Variants in REV1 observed in about 807,000 individuals in gnomAD.
REV1 encodes translesion synthesis protein REV1.
In REV1, 42 loss-of-function variants were observed where a neutral mutation model predicts 137.4. The ratio of observed to expected loss-of-function variants is 0.31; its 90% confidence interval spans 0.24 to 0.40. The LOEUF is 0.40. REV1 is among the 10% of genes least tolerant of loss of function. The pLI is 1.00. For synonymous variants in REV1, 524 were observed against 519.2 expected, an observed-to-expected ratio of 1.01 and a Z score of -0.12; for missense variants, 1,282 against 1,490.1, an observed-to-expected ratio of 0.86 and a Z score of 2.30.
At chr2:99,422,628 A>G (rs117852776) in intron 10 of REV1, among the ~76,000 whole-genome samples, 2 of 152,338 alleles carry the variant, frequency 1.3e-5, no homozygotes, top group East Asian at 3.9e-4. Context: ...TCAGAGTGAA[A>G]GCTGCCCTGA....
intron 9 of REV1, chr2:99,424,792 C>T: frequency 2.3e-6 from 3 of 1,304,100 alleles, no homozygotes; most frequent in Non-Finnish European, 2.0e-6. Flanking sequence ...CCCAATTGAC[C>T]AATTCCATGC....
intron 19 of REV1, chr2:99,403,380 G>A (rs748729958): frequency 1.8e-6 from 1 of 554,848 alleles, no homozygotes; most frequent in Non-Finnish European, 3.2e-6. Flanking sequence ...GATGCATTTT[G>A]AACCAACATC....
intron 3 of REV1, among the ~76,000 whole-genome samples, chr2:99,450,712 AT>A (rs1441341541): frequency 3.9e-5 from 6 of 152,242 alleles, no homozygotes; most frequent in African/African-American, 1.4e-4. Flanking sequence ...GGTGAAATTA[AT>A]TTTATTTAAC....
chr2:99,412,382 A>AT (rs1677299360), intron 13 of REV1, among the ~76,000 whole-genome samples: 1 of 152,094 alleles, frequency 6.6e-6, no homozygotes, highest in Admixed American at 6.6e-5. Flanking sequence ...CTGAAACTTA[A>AT]TTTTAACTAC....
At position 99,464,866 on chromosome 2, in the gene REV1, G is replaced by A. The variant is rs1002701816; in HGVS notation, c.54+56C>T. The A allele has an allele frequency of 1.2e-4, 174 of 1,502,110 alleles. 2 individuals carry two copies. Among genetic ancestry groups the A allele is most frequent in the South Asian group, 9.2e-4 (81 of 87,720 alleles). 93.0% of individuals were successfully genotyped at this position (1,502,110 alleles called of 1,614,324 possible). A position where few individuals can be genotyped will look rare whatever the true frequency, so the allele number is the denominator to read the frequency against. On this transcript the variant is annotated intron_variant, in intron 2 of 22. Coordinates refer to ENST00000258428, the MANE Select transcript of REV1 (RefSeq NM_016316.4). The stretch of plus-strand genomic sequence containing the variant: ...CAACTTAAACCACATTATAACAGAA[G>A]AATGAAAAATAACTAGACAGTTCGA...
intron 1 of REV1, among the ~76,000 whole-genome samples, chr2:99,468,207 A>C (rs1685035925): frequency 6.6e-6 from 1 of 151,886 alleles, no homozygotes; most frequent in Non-Finnish European, 1.5e-5. Context: ...AAGAAAGAAA[A>C]ATTAGCCAGG....
intron 9 of REV1, among the ~76,000 whole-genome samples, chr2:99,425,691 T>C (rs925861661): frequency 1.3e-5 from 2 of 152,232 alleles, no homozygotes; most frequent in Non-Finnish European, 2.9e-5. Flanking sequence ...GATATATAGA[T>C]TCAGCATGTA....
chr2:99,422,602 T>C (rs1346925463), intron 10 of REV1, among the ~76,000 whole-genome samples: 1 of 152,206 alleles, frequency 6.6e-6, no homozygotes, highest in African/African-American at 2.4e-5. Flanking sequence ...GTATATCTGG[T>C]ATGAGGTATT....
rs745790636 is a variant in REV1 at position 99,435,831 on chromosome 2, G to A, written c.1321+3C>T. 1.4e-6 allele frequency: 2 copies of A among 1,456,240 alleles called. No individual in the cohort carries two copies. The highest frequency in any genetic ancestry group is 1.9e-6 in the Non-Finnish European group (2 of 1,049,116). The allele number at this position is 1,456,240 out of a possible 1,614,324, so 90.2% of individuals were successfully genotyped here. A position where few individuals can be genotyped will look rare whatever the true frequency, so the allele number is the denominator to read the frequency against. On this transcript the variant is annotated splice_donor_region_variant and intron_variant, in intron 7 of 22. Coordinates refer to ENST00000258428, the MANE Select transcript of REV1 (RefSeq NM_016316.4). ...TTCTTAAAACATAAGCAAGAATACA[G>A]ACCTTTGAGATCTGGTCTATTTCGT...
Position 99,424,217 on chromosome 2 carries a change from T to A in REV1, c.1611A>T (p.Gln537His). 1.2e-6 allele frequency: 2 copies of A among 1,614,048 alleles called. No individual in the cohort carries two copies. The highest frequency in any genetic ancestry group is 3.3e-5 in the Admixed American group (2 of 60,028). The change falls in exon 10 of 23, where the codon CAA (glutamine) becomes CAT (histidine). Residue 537 changes from glutamine to histidine, a missense_variant. This residue lies in a region of REV1 where 372 missense variants were observed against 482.3 expected (regional missense o/e 0.77). Transcript: ENST00000258428. The stretch of plus-strand genomic sequence containing the variant: ...ATGCATGAAAATCGTATGGAACAGC[T>A]TGAAGATTAGGACATAGTTGTTTAG... ...GHAKQLCPNL[Q>H]AVPYDFHAYK... is the part of the protein sequence containing the mutation.
chr2:99,449,586 A>G, intron 3 of REV1, 82 bp from the exon 4 acceptor site: 1 of 621,590 alleles, frequency 1.6e-6, no homozygotes, highest in Non-Finnish European at 2.4e-6. Context: ...AAATAGGTCA[A>G]CTTTAAGAAT....
rs1211796894 is a variant in REV1, at chr2:99,438,708, G to A, written c.1106C>T (p.Thr369Ile). 1 of 1,614,080 alleles carries A rather than the reference G, an allele frequency of 6.2e-7. No homozygotes were observed. Among genetic ancestry groups the A allele is most frequent in the South Asian group, 1.1e-5 (1 of 91,086 alleles). ...HHISMWKCEL[T>I]EFVNTLQRQS... ...TCTTTGTAGGGTATTGACAAACTCA[G>A]TCAATTCACACTTCCACATTGATAT... The change falls in exon 6 of 23, where the codon ACT becomes ATT. Residue 369 changes from threonine to isoleucine, a missense_variant. Physicochemically the swap from Thr to Ile is moderately conservative, Grantham distance 89. Coordinates refer to ENST00000258428, the MANE Select transcript of REV1 (RefSeq NM_016316.4).
chr2:99,430,722 G>C (rs1680004112), intron 8 of REV1, among the ~76,000 whole-genome samples: 1 of 152,138 alleles, frequency 6.6e-6, no homozygotes, highest in Admixed American at 6.5e-5. Flanking sequence ...ACACTCTGGA[G>C]AGCCTACTGG....
At chr2:99,449,554 G>A (rs746167963) in intron 3 of REV1, 50 bp from the exon 4 acceptor site, 9 of 924,634 alleles carry the variant, frequency 9.7e-6, no homozygotes, top group Middle Eastern at 3.5e-4. Flanking sequence ...GTAAGAAGTA[G>A]AACCCTAATG....
At chr2:99,430,689 T>C (rs1680001393) in intron 8 of REV1, among the ~76,000 whole-genome samples, 1 of 152,170 alleles carries the variant, frequency 6.6e-6, no homozygotes, top group South Asian at 2.1e-4. Flanking sequence ...AATTTACAAC[T>C]TTACACAAGA....
rs949691778 is a variant in REV1, at chr2:99,488,684, G to A, written c.-11+1133C>T. On this transcript the variant is annotated intron_variant, in intron 1 of 22. Transcript: ENST00000258428. ...GGCAAACCCAAGAATATGTGTGAAA[G>A]GTTGGTGGACAGATAGATGGTTCCC... is the stretch of plus-strand genomic sequence containing the variant. Among the ~76,000 whole-genome samples the A allele has an allele frequency of 3.9e-5, 6 of 152,208 alleles. No homozygotes were observed. The South Asian group carries it at 8.3e-4, about 21-fold the overall frequency.
At chr2:99,489,409 G>T (rs1172223646) in intron 1 of REV1, among the ~76,000 whole-genome samples, 2 of 151,982 alleles carry the variant, frequency 1.3e-5, no homozygotes, top group Admixed American at 6.5e-5. Context: ...GAACTGAATG[G>T]CCGGCCGAGG....
intron 3 of REV1, among the ~76,000 whole-genome samples, chr2:99,452,819 T>C (rs1024591119): frequency 1.3e-5 from 2 of 152,188 alleles, no homozygotes; most frequent in African/African-American, 4.8e-5. Flanking sequence ...AAAACACTTA[T>C]TCACTCACTC....
intron 1 of REV1, among the ~76,000 whole-genome samples, chr2:99,465,923 T>A (rs1421221427): frequency 6.6e-6 from 1 of 152,024 alleles, no homozygotes; most frequent in East Asian, 1.9e-4. Context: ...TAGCAGATAA[T>A]TTCTTTCTTT....
Sources: gnomAD v4.1 joint callset for allele counts (sites outside exome capture counted in the v4.1 genomes callset) on GRCh38, gnomAD v4.1.1 for gene constraint, gnomAD v4.1.1 regional missense constraint, MANE v1.5 for transcripts, NCBI Gene and HGNC (gene_info 2026-07-23, HGNC 2026-07-21) for gene names.